The following RBFOX1 variants were observed in gnomAD, a reference collection of about 807,000 sequenced individuals.
RBFOX1 encodes the protein RNA binding protein fox-1 homolog 1.
RBFOX1 carries 8 observed loss-of-function variants against 57.7 expected under a neutral mutation model. The ratio of observed to expected loss-of-function variants is 0.14; its 90% CI spans 0.08 to 0.25. The LOEUF (loss-of-function observed/expected upper bound fraction) is 0.25. Among genes scored for constraint, RBFOX1 ranks in the 10% least tolerant of loss-of-function variants. The pLI is 1.00. For missense variants in RBFOX1, 611 were observed against 548.5 expected, an observed-to-expected ratio of 1.11 and a Z score of -1.14; for synonymous variants, 326 against 222.4, an observed-to-expected ratio of 1.47 and a Z score of -4.15.
At chr16:5,999,693 C>T in intron 4 of RBFOX1, among the ~76,000 whole-genome samples, 1 of 151,660 alleles carries the variant, frequency 6.6e-6, no homozygotes, top group East Asian at 1.9e-4. Context: ...AACCGTGTCT[C>T]TACTAAAAAT....
At chr16:6,991,297 C>T (rs866731590) in intron 3 of RBFOX1, among the ~76,000 whole-genome samples, 1 of 152,014 alleles carries the variant, frequency 6.6e-6, no homozygotes, top group Non-Finnish European at 1.5e-5. Context: ...GAGACCTTGT[C>T]TCAAAACAAA....
chr16:6,725,292 C>G (rs933914711), intron 3 of RBFOX1, among the ~76,000 whole-genome samples: 1 of 151,862 alleles, frequency 6.6e-6, no homozygotes, highest in Non-Finnish European at 1.5e-5. Flanking sequence ...ACCTCGTGAT[C>G]CACCCACCTC....
intron 2 of RBFOX1, among the ~76,000 whole-genome samples, chr16:6,339,568 C>G (rs1264618093): frequency 6.6e-6 from 1 of 152,162 alleles, no homozygotes; most frequent in African/African-American, 2.4e-5. Flanking sequence ...CTGTTCCTCT[C>G]TGGGAGGTCT....
At chr16:6,222,505 C>T (rs1024067046) in intron 1 of RBFOX1, among the ~76,000 whole-genome samples, 3 of 151,608 alleles carry the variant, frequency 2.0e-5, no homozygotes, top group African/African-American at 7.3e-5. Context: ...AGGAGGATTG[C>T]AGATACATCA....
At chr16:7,280,762 G>C (rs2095524947) in intron 4 of RBFOX1, among the ~76,000 whole-genome samples, 1 of 152,016 alleles carries the variant, frequency 6.6e-6, no homozygotes, top group Non-Finnish European at 1.5e-5. Context: ...AAAATCCCTG[G>C]CCTTTCCCCA....
chr16:5,670,319 G>A (rs141602782), intron 3 of RBFOX1, among the ~76,000 whole-genome samples: 37 of 152,222 alleles, frequency 2.4e-4, no homozygotes, highest in African/African-American at 8.7e-4. Flanking sequence ...AATCTTATAT[G>A]CATTTCACCA....
chr16:5,244,892 C>T (rs1264020994), intron 1 of RBFOX1, among the ~76,000 whole-genome samples: 3 of 152,238 alleles, frequency 2.0e-5, no homozygotes, highest in Non-Finnish European at 2.9e-5. Flanking sequence ...GCAAGTCTTA[C>T]TGTGCTGGGA....
intron 3 of RBFOX1, among the ~76,000 whole-genome samples, chr16:6,685,019 G>C (rs1163590150): frequency 6.6e-6 from 1 of 152,144 alleles, no homozygotes; most frequent in Non-Finnish European, 1.5e-5. Flanking sequence ...CTCAGGAATA[G>C]TGAGGAACTT....
chr16:5,843,576 T>C (rs143975001), intron 3 of RBFOX1, among the ~76,000 whole-genome samples: 6 of 152,328 alleles, frequency 3.9e-5, no homozygotes, highest in African/African-American at 1.2e-4. Flanking sequence ...GTCGATTTCA[T>C]GTCTTTGTTA....
chr16:7,598,600 G>A (rs1507008), intron 9 of RBFOX1, among the ~76,000 whole-genome samples: 30,979 of 151,896 alleles, frequency 0.2, 3,534 homozygotes, highest in African/African-American at 0.31. Context: ...ACAGGAAGCC[G>A]CTATTACAGA....
At chr16:5,689,825 A>C (rs2050616910) in intron 3 of RBFOX1, among the ~76,000 whole-genome samples, 1 of 152,024 alleles carries the variant, frequency 6.6e-6, no homozygotes, top group African/African-American at 2.4e-5. Flanking sequence ...AAGAAGGAAC[A>C]CATTTGTAAA....
At chr16:7,239,203 T>G (rs1186502272) in intron 4 of RBFOX1, among the ~76,000 whole-genome samples, 1 of 152,086 alleles carries the variant, frequency 6.6e-6, no homozygotes, top group Non-Finnish European at 1.5e-5. Flanking sequence ...GTAGGTACTG[T>G]GGGTGCCAGG....
intron 3 of RBFOX1, among the ~76,000 whole-genome samples, chr16:6,744,591 A>G (rs1452375920): frequency 6.6e-6 from 1 of 152,128 alleles, no homozygotes; most frequent in Non-Finnish European, 1.5e-5. Context: ...TTAATAAATA[A>G]CCTGTGGATC....
intron 1 of RBFOX1, among the ~76,000 whole-genome samples, chr16:5,358,111 C>G (rs186979143): frequency 1.3e-5 from 2 of 152,194 alleles, no homozygotes; most frequent in African/African-American, 2.4e-5. Flanking sequence ...GGGAAATCAT[C>G]TGTTCCATGT....
At position 6,286,540 on chromosome 16, in the gene RBFOX1, G is replaced by A. The variant is rs147175940; in HGVS notation, c.-126-30455G>A. Among the ~76,000 whole-genome samples the A allele has an allele frequency of 2.8e-3, 428 of 152,312 alleles. 7 individuals carry two copies. The highest frequency in any genetic ancestry group is 0.017 in the Middle Eastern group (5 of 294). ...GGAAATGAGATATGTGCTACCCTTAGAATATTAAGTTTGGGGAGTTCTGGA... is the reference window on the plus strand; with the variant it reads ...GGAAATGAGATATGTGCTACCCTTAAAATATTAAGTTTGGGGAGTTCTGGA... On this transcript the variant is annotated intron_variant, in intron 1 of 15. Transcript: ENST00000550418.
At chr16:5,694,660 A>G (rs571686734) in intron 3 of RBFOX1, among the ~76,000 whole-genome samples, 19 of 152,058 alleles carry the variant, frequency 1.2e-4, no homozygotes, top group South Asian at 2.1e-4. Context: ...TGCTCAGTCA[A>G]TTGTTTCAAA....
intron 4 of RBFOX1, among the ~76,000 whole-genome samples, chr16:7,369,189 T>G (rs2097523925): frequency 6.6e-6 from 1 of 152,040 alleles, no homozygotes; most frequent in South Asian, 2.1e-4. Context: ...TGACTCCAAG[T>G]CTTGCCACCT....
At chr16:5,500,587 C>T (rs2043159829) in intron 2 of RBFOX1, among the ~76,000 whole-genome samples, 1 of 152,136 alleles carries the variant, frequency 6.6e-6, no homozygotes, top group African/African-American at 2.4e-5. Context: ...TCTGTCTCTG[C>T]CATCAGCTAT....
chr16:6,489,164 C>G (rs980068785), intron 2 of RBFOX1, among the ~76,000 whole-genome samples: 3 of 152,050 alleles, frequency 2.0e-5, no homozygotes, highest in Admixed American at 6.6e-5. Context: ...AATGAAATTT[C>G]TTTCCTTGGT....
Sources: gnomAD v4.1 joint callset for allele counts (sites outside exome capture counted in the v4.1 genomes callset) on GRCh38, gnomAD v4.1.1 for gene constraint, MANE v1.5 for transcripts, NCBI Gene and HGNC (gene_info 2026-07-23, HGNC 2026-07-21) for gene names.